The following MCM3AP variants were observed in gnomAD, a reference collection of about 807,000 sequenced individuals.
MCM3AP encodes the protein minichromosome maintenance complex component 3 associated protein, also known as germinal-center associated nuclear protein.
In MCM3AP, 126 loss-of-function variants were observed where a neutral mutation model predicts 184.1. The observed-to-expected ratio is 0.68, with a 90% CI of 0.59 to 0.79. The LOEUF (loss-of-function observed/expected upper bound fraction) is 0.79, where lower values mean the gene tolerates loss of function less well. Ranked by LOEUF, MCM3AP falls within the 30% of genes least tolerant of loss-of-function variation. The pLI, the probability that MCM3AP is intolerant of heterozygous loss-of-function variation, is 0.00. For synonymous variants in MCM3AP, 1,002 were observed against 979.3 expected (o/e 1.02, Z -0.43); for missense variants, 2,496 against 2,479.2 (o/e 1.01, Z -0.14).
chr21:46,236,751 G>A (rs1012703536), intron 27 of MCM3AP, 78 bp downstream of exon 27: 5 of 965,004 alleles, frequency 5.2e-6, no homozygotes, highest in African/African-American at 5.1e-5. Context: ...AGGATAAATC[G>A]TGATATTACT....
chr21:46,243,518 C>G lies in MCM3AP; in HGVS notation c.5243G>C (p.Cys1748Ser). Residue 1748 changes from cysteine (C) to serine (S), a missense_variant, in exon 24 of 28, where the codon TGT (cysteine) becomes TCT (serine). Cys to Ser is a moderately radical substitution (Grantham distance 112). This residue lies in a region of MCM3AP where 1,323 missense variants were observed against 1,273.4 expected (regional missense o/e 1.04). Transcript: ENST00000291688. ...EIPWDDLIAL[C>S]INHKLRDWTP... ...CCAGTCTCTCAGCTTGTGGTTGATA[C>G]ACAAGGCGATAAGATCATCCCATGG... 1 of 1,614,160 alleles carries G rather than the reference C, an allele frequency of 6.2e-7. No homozygotes were observed. The highest frequency in any genetic ancestry group is 8.5e-7 in the Non-Finnish European group (1 of 1,180,010).
Position 46,240,990 on chromosome 21 carries a change from A to C in MCM3AP, c.5454T>G (p.Ser1818=). The change falls in exon 26 of 28, where the codon TCT becomes TCG. Residue 1818 remains serine, a synonymous_variant. Transcript: ENST00000291688. ...GRLAIKPFHP[S]ANNFPIPLLH... ...GCAATGGTATGGGAAAATTGTTTGCAGAAGGATGAAAAGGCTTTATTGCCA... is the reference window on the plus strand; with the variant it reads ...GCAATGGTATGGGAAAATTGTTTGCCGAAGGATGAAAAGGCTTTATTGCCA... The C allele has an allele frequency of 3.1e-6, 5 of 1,613,922 alleles. No homozygotes were observed. The highest frequency in any genetic ancestry group is 1.6e-4 in the Middle Eastern group (1 of 6,062).
Position 46,261,323 on chromosome 21 carries a change from T to C in MCM3AP, c.3424A>G (p.Arg1142Gly). The part of the protein sequence containing the change: ...HIAAEEVSKE[R>G]ERREQERQRA... ...TGCCTCTCCTGCTCCCTTCGCTCTC[T>C]TTCCTTAGACACTTCTTCAGCTGCA... Residue 1142 changes from arginine to glycine, a missense_variant, in exon 14 of 28, where the codon AGA becomes GGA. Physicochemically the swap from Arg to Gly is moderately radical, Grantham distance 125. Transcript: ENST00000291688. 1 of 1,614,186 alleles carries C rather than the reference T, an allele frequency of 6.2e-7. No homozygotes were observed. The highest frequency in any genetic ancestry group is 8.5e-7 in the Non-Finnish European group (1 of 1,180,034).
At chr21:46,278,685 T>A (rs571960930) in intron 4 of MCM3AP, among the ~76,000 whole-genome samples, 1 of 152,088 alleles carries the variant, frequency 6.6e-6, no homozygotes, top group African/African-American at 2.4e-5. Flanking sequence ...ACAGCCTTTT[T>A]TTTTTTGAGA....
chr21:46,274,629 A>G (rs2081231794), intron 6 of MCM3AP, among the ~76,000 whole-genome samples: 1 of 152,198 alleles, frequency 6.6e-6, no homozygotes, highest in African/African-American at 2.4e-5. Context: ...ACAGACAGGA[A>G]TAAGATCGTA....
chr21:46,261,376 G>A lies in MCM3AP; in HGVS notation c.3371C>T (p.Ala1124Val), dbSNP rs1325692659. 1 of 1,614,138 alleles carries A rather than the reference G, an allele frequency of 6.2e-7. No individual in the cohort carries two copies. Among genetic ancestry groups the A allele is most frequent in the East Asian group, 2.2e-5 (1 of 44,876 alleles). ...GTGCCTCAAAATGCCCGTGGTTGCAGCTGTTAACAAATCCTCCATAGCAGC... is the reference window on the plus strand; with the variant it reads ...GTGCCTCAAAATGCCCGTGGTTGCAACTGTTAACAAATCCTCCATAGCAGC... Reference protein sequence around the residue: ...SNAAMEDLLTAATTGILRHIA... With the variant: ...SNAAMEDLLTVATTGILRHIA... Residue 1124 changes from alanine (A) to valine (V), a missense_variant, in exon 14 of 28, where the codon GCT becomes GTT. By Grantham distance (64) the Ala-to-Val change is moderately conservative. Coordinates refer to ENST00000291688, the MANE Select transcript of MCM3AP (RefSeq NM_003906.5).
In MCM3AP at chr21:46,272,519, T is replaced by G. The variant is rs775768554; in HGVS notation, c.2465+42A>C. 2.5e-6 allele frequency: 4 copies of G among 1,587,298 alleles called. No individual in the cohort carries two copies. In the African/African-American group the frequency reaches 5.4e-5, roughly 21 times the overall value. On this transcript the variant is annotated intron_variant, in intron 8 of 27. Coordinates refer to ENST00000291688, the MANE Select transcript of MCM3AP (RefSeq NM_003906.5). ...GCTCTTCTCCTGTTTAAAGCCTGCC[T>G]TTTCAGCCACCTTAGGACAACTTTT...
chr21:46,279,332 G>C (rs1361859677), intron 4 of MCM3AP, among the ~76,000 whole-genome samples: 1 of 152,190 alleles, frequency 6.6e-6, no homozygotes, highest in Non-Finnish European at 1.5e-5. Flanking sequence ...TAAATGTCTT[G>C]AGGTAAAAAG....
chr21:46,265,942 G>C lies in MCM3AP; in HGVS notation c.3014C>G (p.Pro1005Arg). 2 of 1,586,648 alleles carry C rather than the reference G, an allele frequency of 1.3e-6. No homozygotes were observed. Among genetic ancestry groups the C allele is most frequent in the Non-Finnish European group, 1.7e-6 (2 of 1,163,234 alleles). ...TCACTCACCCACTGTGTCGGAGCCG[G>C]GTCTCTGGGTGCTGACGGGCAGCTC... Reference protein sequence around the residue: ...AAELPVSTQRPGSDTVGGGRG... With the variant: ...AAELPVSTQRRGSDTVGGGRG... The change falls in exon 11 of 28, where the codon CCC (proline) becomes CGC (arginine). Residue 1005 changes from proline (P) to arginine (R), a missense_variant. This residue lies in a region of MCM3AP where 1,323 missense variants were observed against 1,273.4 expected (regional missense o/e 1.04). Transcript: ENST00000291688.
chr21:46,261,634 G>A (rs1315286369), intron 13 of MCM3AP, among the ~76,000 whole-genome samples: 2 of 151,682 alleles, frequency 1.3e-5, no homozygotes, highest in African/African-American at 4.8e-5. Context: ...TCAGGAGGCT[G>A]AGGCAGAAGA....
intron 13 of MCM3AP, among the ~76,000 whole-genome samples, chr21:46,261,956 T>C (rs1158853898): frequency 6.6e-6 from 1 of 152,212 alleles, no homozygotes. Flanking sequence ...GATACTCAAC[T>C]GGTACATATA....
chr21:46,265,024 C>A (rs1296515054), intron 12 of MCM3AP, among the ~76,000 whole-genome samples: 1 of 152,162 alleles, frequency 6.6e-6, no homozygotes, highest in Non-Finnish European at 1.5e-5. Flanking sequence ...CCCCAGGTCA[C>A]ACCCATCAGG....
At chr21:46,279,391 T>C (rs1392348733) in intron 4 of MCM3AP, among the ~76,000 whole-genome samples, 1 of 152,232 alleles carries the variant, frequency 6.6e-6, no homozygotes. Flanking sequence ...TTAACTGCAG[T>C]GGGATTCAGG....
intron 2 of MCM3AP, among the ~76,000 whole-genome samples, chr21:46,281,702 A>G (rs893842845): frequency 2.6e-5 from 4 of 151,974 alleles, no homozygotes; most frequent in Admixed American, 2.0e-4. Flanking sequence ...AATAGTAGTA[A>G]TAAATAATAA....
Position 46,285,109 on chromosome 21 carries a change from C to T in MCM3AP, c.178G>A (p.Ala60Thr). The change falls in exon 1 of 28, where the codon GCG becomes ACG. Residue 60 changes from alanine (A) to threonine (T), a missense_variant. Around this residue, in one of 5 missense-constraint regions of MCM3AP, gnomAD observed 800 missense variants for 717.1 expected, o/e 1.12. Transcript: ENST00000291688. ...SGFSQVSSFPASSGVSHSSSV... is the reference protein window; with the variant it reads ...SGFSQVSSFPTSSGVSHSSSV... ...GAGGAATGACTTACTCCAGAAGACG[C>T]TGGAAAGCTGGATACCTGTGAAAAT... 1 of 1,614,198 alleles carries T rather than the reference C, an allele frequency of 6.2e-7. No individual in the cohort carries two copies. Among genetic ancestry groups the T allele is most frequent in the Non-Finnish European group, 8.5e-7 (1 of 1,180,040 alleles).
At chr21:46,267,208 C>A in intron 9 of MCM3AP, 66 bp from the exon 10 acceptor site, 1 of 1,507,736 alleles carries the variant, frequency 6.6e-7, no homozygotes. Context: ...GCAGTCAGCC[C>A]ATGACCACAG....
intron 2 of MCM3AP, among the ~76,000 whole-genome samples, chr21:46,282,661 C>G (rs961716876): frequency 6.6e-6 from 1 of 151,618 alleles, no homozygotes; most frequent in Admixed American, 6.6e-5. Flanking sequence ...AAAAATTAGC[C>G]GGGTGTGGTG....
At chr21:46,273,123 T>C (rs942934982) in intron 7 of MCM3AP, among the ~76,000 whole-genome samples, 4 of 152,032 alleles carry the variant, frequency 2.6e-5, no homozygotes, top group Non-Finnish European at 4.4e-5. Context: ...TACAGGCGTG[T>C]GCCACCACGC....
rs1018556711 is a variant in MCM3AP at position 46,279,386 on chromosome 21, T to C, written c.1667+607A>G. Reference sequence around the variant, plus strand: ...TATGTCAAGTGGAACTGCACTTAACTGCAGTGGGATTCAGGACGAGTTAGA... The same window carrying C: ...TATGTCAAGTGGAACTGCACTTAACCGCAGTGGGATTCAGGACGAGTTAGA... On this transcript the variant is annotated intron_variant, in intron 4 of 27. Coordinates refer to ENST00000291688, the MANE Select transcript of MCM3AP (RefSeq NM_003906.5). Among the ~76,000 whole-genome samples the C allele has an allele frequency of 2.0e-5, 3 of 152,370 alleles. No individual in the cohort carries two copies. In the East Asian group the frequency reaches 5.8e-4, roughly 29 times the overall value.
Sources: allele counts gnomAD v4.1 joint callset (sites outside exome capture counted in the v4.1 genomes callset), GRCh38; gene constraint gnomAD v4.1.1; regional missense constraint gnomAD v4.1.1; transcripts MANE v1.5; gene names NCBI Gene and HGNC (gene_info 2026-07-23, HGNC 2026-07-21).